Variants in CLK2 observed in about 807,000 individuals in gnomAD.
The protein encoded by CLK2 is CDC like kinase 2, also known as dual specificity protein kinase CLK2.
In CLK2, 12 loss-of-function variants were observed where a neutral mutation model predicts 73.5. The observed-to-expected ratio is 0.16, with a 90% CI of 0.10 to 0.26. The LOEUF (loss-of-function observed/expected upper bound fraction) is 0.26, where lower values mean the gene tolerates loss of function less well. CLK2 is among the 10% of genes least tolerant of loss of function. The pLI, the probability that CLK2 is intolerant of heterozygous loss-of-function variation, is 1.00. For synonymous variants in CLK2, 232 were observed against 237.9 expected (o/e 0.98, Z 0.23); for missense variants, 509 against 688.4 (o/e 0.74, Z 2.92).
intron 1 of CLK2, 54 bp from the exon 2 acceptor site, chr1:155,271,031 C>A: frequency 6.4e-7 from 1 of 1,563,822 alleles, no homozygotes. Context: ...CAGAAATCTC[C>A]TCCAAGGACT....
rs1408784874 is a variant in CLK2, at chr1:155,268,671, A to T, written c.487+37T>A. On this transcript the variant is annotated intron_variant, in intron 4 of 12. Transcript: ENST00000368361. The surrounding 1 kb of genome is among the most constrained non-coding windows in gnomAD (Gnocchi z 5.6). ...GGGACGTTAGGATGGCTATGGGACCATTACAGGCTATAGGATTGTTACGAT... is the reference window on the plus strand; with the variant it reads ...GGGACGTTAGGATGGCTATGGGACCTTTACAGGCTATAGGATTGTTACGAT... 5 of 1,582,606 alleles carry T rather than the reference A, an allele frequency of 3.2e-6. No individual in the cohort carries two copies. Among genetic ancestry groups the T allele is most frequent in the Non-Finnish European group, 4.3e-6 (5 of 1,151,234 alleles).
chr1:155,270,086 G>C (rs559693744), intron 2 of CLK2, among the ~76,000 whole-genome samples: 1 of 152,136 alleles, frequency 6.6e-6, no homozygotes, highest in East Asian at 1.9e-4. Flanking sequence ...TTAAAACTGG[G>C]CCGGGCACAG....
At chr1:155,269,371 C>A (rs1673385253) in intron 3 of CLK2, 117 bp downstream of exon 3, 2 of 891,262 alleles carry the variant, frequency 2.2e-6, no homozygotes, top group East Asian at 2.5e-5. Flanking sequence ...AAACTCAGTG[C>A]CCACCTCAGT....
intron 3 of CLK2, 120 bp downstream of exon 3, chr1:155,269,368 G>T: frequency 1.2e-6 from 1 of 868,400 alleles, no homozygotes; most frequent in South Asian, 1.5e-5. Flanking sequence ...GGCAAACTCA[G>T]TGCCCACCTC....
Position 155,270,788 on chromosome 1 carries a change from ATC to A in CLK2, c.170+18_170+19del, listed in dbSNP as rs781322766. 6.3e-7 allele frequency: 1 copy of A among 1,595,238 alleles called. No homozygotes were observed. The highest frequency in any genetic ancestry group is 8.6e-7 in the Non-Finnish European group (1 of 1,164,512). On this transcript the variant is annotated intron_variant, in intron 2 of 12. Coordinates refer to ENST00000368361, the MANE Select transcript of CLK2 (RefSeq NM_001294338.2). ...TGAGCGAGTGACCCTGTGTTTGAGT[ATC>A]TCTTCCTGAGGCCTCACCTTCGAGA...
In CLK2 at chr1:155,263,309, A is replaced by G; in HGVS notation, c.1409T>C (p.Leu470Ser). The G allele has an allele frequency of 1.2e-6, 2 of 1,614,200 alleles. No homozygotes were observed. The highest frequency in any genetic ancestry group is 1.7e-6 in the Non-Finnish European group (2 of 1,180,040). Residue 470 changes from leucine to serine, a missense_variant, in exon 13 of 13, where the codon TTG becomes TCG. Physicochemically the swap from Leu to Ser is moderately radical, Grantham distance 145. Around this residue, in one of 6 missense-constraint regions of CLK2, gnomAD observed 134 missense variants for 146.0 expected, o/e 0.92. Transcript: ENST00000368361. The part of the protein sequence containing the change: ...LEYEPAKRLT[L>S]GEALQHPFFA... ...GAAAGGATGCTGAAGGGCTTCACCC[A>G]AGGTCAGCCGCTTAGCTGGTTCATA...
chr1:155,264,697 G>A lies in CLK2; in HGVS notation c.1011C>T (p.His337=). ...DFGSATFDHE[H]HSTIVSTRHY... is the part of the protein sequence containing the mutation. ...GGCGAGTGGAGACAATGGTGCTATGGTGCTCATGGTCAAAGGTGGCACTGC... is the reference window on the plus strand; with the variant it reads ...GGCGAGTGGAGACAATGGTGCTATGATGCTCATGGTCAAAGGTGGCACTGC... Residue 337 remains histidine (H), a synonymous_variant, in exon 9 of 13, where the codon CAC becomes CAT. Coordinates refer to ENST00000368361, the MANE Select transcript of CLK2 (RefSeq NM_001294338.2). The A allele has an allele frequency of 1.2e-6, 2 of 1,614,228 alleles. No individual in the cohort carries two copies. Among genetic ancestry groups the A allele is most frequent in the Non-Finnish European group, 1.7e-6 (2 of 1,180,048 alleles).
At chr1:155,270,104 C>G (rs757688188) in intron 2 of CLK2, among the ~76,000 whole-genome samples, 1 of 151,986 alleles carries the variant, frequency 6.6e-6, no homozygotes, top group Non-Finnish European at 1.5e-5. Flanking sequence ...CAGTGGCTCA[C>G]GCCTGTAATC....
At position 155,268,427 on chromosome 1, in the gene CLK2, G is replaced by A. The variant is rs1673333474; in HGVS notation, c.488-68C>T. 8.4e-6 allele frequency: 11 copies of A among 1,313,204 alleles called. No homozygotes were observed. Among genetic ancestry groups the A allele is most frequent in the Non-Finnish European group, 1.1e-5 (10 of 913,042 alleles). 81.3% of individuals were successfully genotyped at this position (1,313,204 alleles called of 1,614,324 possible). On this transcript the variant is annotated intron_variant, in intron 4 of 12. Transcript: ENST00000368361. This position sits in a 1 kb window ranked among gnomAD's most constrained non-coding sequence, Gnocchi z 5.6. ...AGGTGGGGAATGAGCTGAGTTGGAA[G>A]AAAAAAGGGGACAGCAACCTGGGGT...
Position 155,268,639 on chromosome 1 carries a change from TTGGCTTGGGACGTTAGGA to T in CLK2, c.487+51_487+68del. On this transcript the variant is annotated intron_variant, in intron 4 of 12. Transcript: ENST00000368361. This position sits in a 1 kb window ranked among gnomAD's most constrained non-coding sequence, Gnocchi z 5.6. ...AAAAGGCAAGAGGCTGTGACTCAGG[TTGGCTTGGGACGTTAGGA>T]TGGCTATGGGACCATTACAGGCTAT... 7.1e-7 allele frequency: 1 copy of T among 1,410,464 alleles called. No homozygotes were observed. Among genetic ancestry groups the T allele is most frequent in the South Asian group, 1.2e-5 (1 of 86,742 alleles). The allele number at this position is 1,410,464 out of a possible 1,614,324, so 87.4% of individuals were successfully genotyped here. A position where few individuals can be genotyped will look rare whatever the true frequency, so the allele number is the denominator to read the frequency against.
Position 155,263,336 on chromosome 1 carries a change from T to G in CLK2, c.1382A>C (p.Glu461Ala). The G allele has an allele frequency of 6.2e-7, 1 of 1,614,190 alleles. No homozygotes were observed. The highest frequency in any genetic ancestry group is 8.5e-7 in the Non-Finnish European group (1 of 1,180,050). Residue 461 changes from glutamate (E) to alanine (A), a missense_variant, in exon 13 of 13, where the codon GAG (glutamate) becomes GCG (alanine). This residue lies in a region of CLK2 where 134 missense variants were observed against 146.0 expected (regional missense o/e 0.92). Transcript: ENST00000368361. ...QLFDLIESML[E>A]YEPAKRLTLG... ...GGTCAGCCGCTTAGCTGGTTCATAC[T>G]CTAGCATGCTTTCAATCAGATCGAA... is the stretch of plus-strand genomic sequence containing the variant.
At position 155,271,577 on chromosome 1, in the gene CLK2, A is replaced by C. The variant is rs57336884; in HGVS notation, c.1-600T>G. On this transcript the variant is annotated intron_variant, in intron 1 of 12. Transcript: ENST00000368361. ...CAAACACAGCTCCATGAAGACCTTC[A>C]GGTCTAGGACACAGTTCACTACAGA... Among the ~76,000 whole-genome samples the C allele has an allele frequency of 4.0e-3, 606 of 152,310 alleles. 7 individuals are homozygous for C. Among genetic ancestry groups the C allele is most frequent in the African/African-American group, 0.014 (578 of 41,562 alleles).
In CLK2 at chr1:155,266,817, G is replaced by T; in HGVS notation, c.750C>A (p.Thr250=). 6.2e-7 allele frequency: 1 copy of T among 1,612,814 alleles called. No homozygotes were observed. The highest frequency in any genetic ancestry group is 8.5e-7 in the Non-Finnish European group (1 of 1,179,548). Residue 250 remains threonine (T), a synonymous_variant, in exon 7 of 13, where the codon ACC becomes ACA. Coordinates refer to ENST00000368361, the MANE Select transcript of CLK2 (RefSeq NM_001294338.2). The stretch of plus-strand genomic sequence containing the variant: ...AGTTGTTGTCTTTGAGGAAATCGAA[G>T]GTGCTAAGGCCCAGAAGCTCAAAGG... ...CISFELLGLS[T]FDFLKDNNYL...
Position 155,264,230 on chromosome 1 carries a change from C to A in CLK2, c.1217G>T (p.Arg406Leu). Residue 406 changes from arginine (R) to leucine (L), a missense_variant, in exon 11 of 13, where the codon CGA becomes CTA. Physicochemically the swap from Arg to Leu is moderately radical, Grantham distance 102. This residue lies in a region of CLK2 where 134 missense variants were observed against 146.0 expected (regional missense o/e 0.92). Transcript: ENST00000368361. The stretch of plus-strand genomic sequence containing the variant: ...CCCCCTCAAGGTTCACCTTGTCTTT[C>A]GGATCATCCGGGAAGGGATAGGACC... ...ILGPIPSRMI[R>L]KTRKQKYFYR... 6.2e-7 allele frequency: 1 copy of A among 1,614,186 alleles called. No individual in the cohort carries two copies. The highest frequency in any genetic ancestry group is 8.5e-7 in the Non-Finnish European group (1 of 1,180,026).
rs756802558 is a variant in CLK2, at chr1:155,268,049, A to G, written c.632T>C (p.Val211Ala). Residue 211 changes from valine to alanine, a missense_variant, in exon 6 of 13, where the codon GTG becomes GCG. Val to Ala is a moderately conservative substitution (Grantham distance 64, BLOSUM62 0). This residue lies in a region of CLK2 where 76 missense variants were observed against 126.4 expected (regional missense o/e 0.60). Transcript: ENST00000368361. This position sits in a 1 kb window ranked among gnomAD's most constrained non-coding sequence, Gnocchi z 5.6. ...GTCTTTCTCATTGATTTTCTCTAGCACGTTGATCTCAAGTCGAGCTGCTTC... is the reference window on the plus strand; with the variant it reads ...GTCTTTCTCATTGATTTTCTCTAGCGCGTTGATCTCAAGTCGAGCTGCTTC... ...YKEAARLEIN[V>A]LEKINEKDPD... The G allele has an allele frequency of 1.9e-6, 3 of 1,614,072 alleles. No homozygotes were observed. In the Admixed American group the frequency reaches 5.0e-5, roughly 27 times the overall value.
Position 155,265,605 on chromosome 1 carries a change from A to G in CLK2, c.933+255T>C, listed in dbSNP as rs78968000. On this transcript the variant is annotated intron_variant, in intron 8 of 12. Transcript: ENST00000368361. Reference sequence around the variant, plus strand: ...AATAAATAAATAAATAAATAAATAAAGTCCAAACCAAGAACCTTAAAAACT... The same window carrying G: ...AATAAATAAATAAATAAATAAATAAGGTCCAAACCAAGAACCTTAAAAACT... Among the ~76,000 whole-genome samples, 734 of 152,032 alleles carry G rather than the reference A, an allele frequency of 4.8e-3. 5 individuals carry two copies. Among genetic ancestry groups the G allele is most frequent in the African/African-American group, 0.017 (714 of 41,454 alleles).
In CLK2 at chr1:155,268,196, G is replaced by A. The variant is rs980809213; in HGVS notation, c.555-70C>T. On this transcript the variant is annotated intron_variant, in intron 5 of 12. Transcript: ENST00000368361. The surrounding 1 kb of genome is among the most constrained non-coding windows in gnomAD (Gnocchi z 5.6). ...CTCAAAATGAACAGGGCTGTAGGGG[G>A]ACTAAGAAATTCTACCTCAGGTTAA... The A allele has an allele frequency of 1.9e-6, 3 of 1,553,250 alleles. No homozygotes were observed. The highest frequency in any genetic ancestry group is 1.4e-5 in the African/African-American group (1 of 73,578).
intron 1 of CLK2, among the ~76,000 whole-genome samples, chr1:155,272,023 T>G (rs932896033): frequency 2.0e-5 from 3 of 151,516 alleles, no homozygotes; most frequent in African/African-American, 7.3e-5. Context: ...TGTGTTTTTT[T>G]TTTTTTTTTT....
chr1:155,266,871 C>A lies in CLK2; in HGVS notation c.696G>T (p.Trp232Cys), dbSNP rs752190602. The A allele has an allele frequency of 6.2e-6, 10 of 1,613,330 alleles. No homozygotes were observed. Among genetic ancestry groups the A allele is most frequent in the Non-Finnish European group, 8.5e-6 (10 of 1,179,762 alleles). Residue 232 changes from tryptophan to cysteine, a missense_variant, in exon 7 of 13, where the codon TGG (tryptophan) becomes TGT (cysteine). Transcript: ENST00000368361. The stretch of plus-strand genomic sequence containing the variant: ...TACACATGTGGCCATGGTAGTCAAA[C>A]CAGTCAAACATCTGGACACAGAGGC... ...NKNLCVQMFD[W>C]FDYHGHMCIS...
Sources: gnomAD v4.1 joint callset for allele counts (sites outside exome capture counted in the v4.1 genomes callset) on GRCh38, gnomAD v4.1.1 for gene constraint, gnomAD v4.1.1 regional missense constraint, Gnocchi (gnomAD v3.1) non-coding constraint, MANE v1.5 for transcripts, NCBI Gene and HGNC (gene_info 2026-07-23, HGNC 2026-07-21) for gene names.